The following TRPM6 variants were observed in gnomAD, a reference collection of about 807,000 sequenced individuals.
TRPM6 encodes transient receptor potential cation channel subfamily M member 6.
A neutral mutation model predicts 247.6 loss-of-function variants in TRPM6; 111 were observed. That is an observed-to-expected ratio of 0.45 (90% CI 0.38 to 0.52). The LOEUF (loss-of-function observed/expected upper bound fraction) is 0.52, where lower values mean the gene tolerates loss of function less well. Among genes scored for constraint, TRPM6 ranks in the 20% least tolerant of loss-of-function variants. The pLI is 0.00. For synonymous variants in TRPM6, 892 were observed against 853.8 expected, an observed-to-expected ratio of 1.04 and a Z score of -0.78; for missense variants, 2,126 against 2,421.5, an observed-to-expected ratio of 0.88 and a Z score of 2.56.
rs900086252 is a variant in TRPM6 at position 74,875,553 on chromosome 9, AAAT to A, written c.33+12268_33+12270del. 1.1e-3 allele frequency among the ~76,000 whole-genome samples: 163 copies of A among 151,992 alleles called. 1 individual carries two copies. Among genetic ancestry groups the A allele is most frequent in the Middle Eastern group, 3.4e-3 (1 of 294 alleles). ...GCTTGACTCTACCTCAAAAAATTAA[AAAT>A]AATAATAATAATAATAAAGATGCAG... On this transcript the variant is annotated intron_variant, in intron 1 of 38. Coordinates refer to ENST00000360774, the MANE Select transcript of TRPM6 (RefSeq NM_017662.5).
chr9:74,724,091 G>C lies in TRPM6; in HGVS notation c.*522C>G. The C allele has an allele frequency of 5.8e-6, 1 of 171,508 alleles. No homozygotes were observed. Among genetic ancestry groups the C allele is most frequent in the Non-Finnish European group, 1.3e-5 (1 of 79,106 alleles). The allele number at this position is 171,508 out of a possible 1,614,324, so 10.6% of individuals were successfully genotyped here. A position where few individuals can be genotyped will look rare whatever the true frequency, so the allele number is the denominator to read the frequency against. On this transcript the variant is annotated 3_prime_UTR_variant, in exon 39 of 39. Coordinates refer to ENST00000360774, the MANE Select transcript of TRPM6 (RefSeq NM_017662.5). Reference sequence around the variant, plus strand: ...CTCCAATCTGTGCAAACCCACCCTTGTTCCATTGTTTTTCCTATCATTGCT... The same window carrying C: ...CTCCAATCTGTGCAAACCCACCCTTCTTCCATTGTTTTTCCTATCATTGCT...
chr9:74,772,202 C>T (rs919959092), intron 24 of TRPM6, among the ~76,000 whole-genome samples: 10 of 152,182 alleles, frequency 6.6e-5, no homozygotes, highest in African/African-American at 2.2e-4. Flanking sequence ...TGGCTTGAGC[C>T]TGGGAGGTCA....
intron 1 of TRPM6, among the ~76,000 whole-genome samples, chr9:74,882,273 A>C (rs1347166271): frequency 6.6e-6 from 1 of 152,206 alleles, no homozygotes; most frequent in Non-Finnish European, 1.5e-5. Context: ...TGTTAAACTA[A>C]AAAGTTTCTG....
In TRPM6 at chr9:74,816,759, T is replaced by C. The variant is rs1828946905; in HGVS notation, c.1218A>G (p.Leu406=). The C allele has an allele frequency of 6.2e-7, 1 of 1,614,212 alleles. No individual in the cohort carries two copies. The highest frequency in any genetic ancestry group is 8.5e-7 in the Non-Finnish European group (1 of 1,180,016). The part of the protein sequence containing the change: ...ILTALLKGTN[L]SASEQLNLAM... ...CCAGATTTAATTGCTCTGACGCTGATAAATTTGTGCCTAGGGTAAAAGAAA... is the reference window on the plus strand; with the variant it reads ...CCAGATTTAATTGCTCTGACGCTGACAAATTTGTGCCTAGGGTAAAAGAAA... Residue 406 remains leucine (L), a synonymous_variant, in exon 11 of 39, where the codon TTA becomes TTG. Coordinates refer to ENST00000360774, the MANE Select transcript of TRPM6 (RefSeq NM_017662.5).
intron 37 of TRPM6, among the ~76,000 whole-genome samples, chr9:74,729,404 A>G (rs1258975284): frequency 6.6e-6 from 1 of 152,226 alleles, no homozygotes; most frequent in Non-Finnish European, 1.5e-5. Context: ...TTTTGGCAGA[A>G]TAACAGTAGC....
At chr9:74,838,361 A>G (rs1008356034) in intron 5 of TRPM6, among the ~76,000 whole-genome samples, 1 of 152,242 alleles carries the variant, frequency 6.6e-6, no homozygotes, top group Non-Finnish European at 1.5e-5. Context: ...TCTTCCAAGA[A>G]TGTGAAACAA....
intron 4 of TRPM6, among the ~76,000 whole-genome samples, chr9:74,840,784 AC>A (rs1193842065): frequency 6.8e-6 from 1 of 147,130 alleles, no homozygotes; most frequent in East Asian, 2.0e-4. Flanking sequence ...TCATCCACTC[AC>A]GCCACTGCAC....
In TRPM6 at chr9:74,840,854, GA is replaced by G. The variant is rs569549546; in HGVS notation, c.331-618del. On this transcript the variant is annotated intron_variant, in intron 4 of 38. Coordinates refer to ENST00000360774, the MANE Select transcript of TRPM6 (RefSeq NM_017662.5). ...AAAAAAAAAAAAAAAAAGAAAGAAA[GA>G]AAAAAAAAGAAAAGAAAAAGAAATA... 4.5e-3 allele frequency among the ~76,000 whole-genome samples: 642 copies of G among 142,736 alleles called. 1 individual carries two copies. The highest frequency in any genetic ancestry group is 7.6e-3 in the Non-Finnish European group (493 of 65,038). The allele number at this position is 142,736 out of a possible 152,430, so 93.6% of individuals were successfully genotyped here. A position where few individuals can be genotyped will look rare whatever the true frequency, so the allele number is the denominator to read the frequency against.
At chr9:74,853,795 A>G (rs540057176) in intron 3 of TRPM6, among the ~76,000 whole-genome samples, 54 of 152,224 alleles carry the variant, frequency 3.5e-4, no homozygotes, top group African/African-American at 1.2e-3. Context: ...GCTTCCCTCC[A>G]CTATTGTCCT....
Position 74,724,634 on chromosome 9 carries a change from T to TG in TRPM6, c.6047dup (p.Glu2017ArgfsTer3). On this transcript the variant is annotated frameshift_variant, in exon 39 of 39. Coordinates refer to ENST00000360774, the MANE Select transcript of TRPM6 (RefSeq NM_017662.5). LOFTEE classifies it high-confidence loss of function. ...CTTTTTATAGTTGCATATCATCTTC[T>TG]GGGGAATTTCTACCCGTCTCCCTTG... is the stretch of plus-strand genomic sequence containing the variant. 6.2e-7 allele frequency: 1 copy of TG among 1,614,228 alleles called. No individual in the cohort carries two copies. The highest frequency in any genetic ancestry group is 1.1e-5 in the South Asian group (1 of 91,086).
intron 6 of TRPM6, among the ~76,000 whole-genome samples, chr9:74,831,899 G>A (rs75266640): frequency 0.019 from 2,860 of 152,238 alleles, 85 homozygotes; most frequent in African/African-American, 0.064. Flanking sequence ...TTATCTATAT[G>A]GAGTATTTAA....
At chr9:74,773,595 A>G (rs1268624448) in intron 24 of TRPM6, among the ~76,000 whole-genome samples, 2 of 152,248 alleles carry the variant, frequency 1.3e-5, no homozygotes, top group Non-Finnish European at 2.9e-5. Context: ...AAGCAAGTTT[A>G]TAATACTTAG....
At chr9:74,833,207 A>T (rs1211252824) in intron 6 of TRPM6, among the ~76,000 whole-genome samples, 1 of 152,310 alleles carries the variant, frequency 6.6e-6, no homozygotes, top group African/African-American at 2.4e-5. Context: ...TGCTGTCCTT[A>T]TACACACATA....
intron 1 of TRPM6, among the ~76,000 whole-genome samples, chr9:74,886,829 C>G (rs1366450794): frequency 3.3e-5 from 5 of 152,258 alleles, no homozygotes; most frequent in African/African-American, 7.2e-5. Flanking sequence ...GTTAACTCGC[C>G]CAAAATCACA....
chr9:74,825,237 G>A (rs1829290395), intron 7 of TRPM6, among the ~76,000 whole-genome samples: 1 of 152,138 alleles, frequency 6.6e-6, no homozygotes, highest in Admixed American at 6.5e-5. Flanking sequence ...ACTCCAGCCT[G>A]GGTGACAAAG....
chr9:74,801,869 T>C, intron 16 of TRPM6, 29 bp downstream of exon 16: 2 of 1,612,678 alleles, frequency 1.2e-6, no homozygotes, highest in Non-Finnish European at 1.7e-6. Context: ...GTGTTGATGT[T>C]TAGTATGAAG....
intron 25 of TRPM6, among the ~76,000 whole-genome samples, chr9:74,766,621 C>G (rs1564004445): frequency 1.3e-5 from 2 of 151,798 alleles, no homozygotes; most frequent in African/African-American, 4.9e-5. Flanking sequence ...TAGAAAAGAG[C>G]CTGGGTCAGC....
At chr9:74,740,159 G>A (rs7872531) in intron 33 of TRPM6, 150 bp from the exon 34 acceptor site, 10 of 882,798 alleles carry the variant, frequency 1.1e-5, no homozygotes, top group Admixed American at 2.2e-5. Context: ...ATAAGGACAT[G>A]TATCAGGCTG....
intron 30 of TRPM6, among the ~76,000 whole-genome samples, chr9:74,749,837 G>C (rs890056099): frequency 1.3e-5 from 2 of 152,126 alleles, no homozygotes; most frequent in Admixed American, 6.5e-5. Flanking sequence ...GCTTGCACAG[G>C]GTCCATGATG....
Sources: allele counts gnomAD v4.1 joint callset (sites outside exome capture counted in the v4.1 genomes callset), GRCh38; gene constraint gnomAD v4.1.1; transcripts MANE v1.5; gene names NCBI Gene and HGNC (gene_info 2026-07-23, HGNC 2026-07-21).